Variants in DNAH5 observed in about 807,000 individuals in gnomAD.
The protein encoded by DNAH5 is axonemal beta dynein heavy chain 5.
A neutral mutation model predicts 518.2 loss-of-function variants in DNAH5; 372 were observed. The ratio of observed to expected loss-of-function variants is 0.72; its 90% CI spans 0.66 to 0.78. DNAH5 has a LOEUF of 0.78. DNAH5 is among the 30% of genes least tolerant of loss of function. The probability of loss-of-function intolerance (pLI) is 0.00; values close to 1 mark genes in which losing one functional copy is unlikely to be tolerated. For missense variants in DNAH5, 5,523 were observed against 5,687.0 expected, an observed-to-expected ratio of 0.97 and a Z score of 0.93; for synonymous variants, 2,039 against 2,025.9, an observed-to-expected ratio of 1.01 and a Z score of -0.17.
intron 15 of DNAH5, chr5:13,898,734 A>T: frequency 2.5e-6 from 1 of 397,354 alleles, no homozygotes; most frequent in Non-Finnish European, 4.4e-6. Context: ...TGTAAAGTAC[A>T]GTGCAAGTGC....
chr5:13,830,452 C>T lies in DNAH5; in HGVS notation c.6061+145G>A, dbSNP rs150812414. The T allele has an allele frequency of 3.4e-4, 355 of 1,034,628 alleles. 5 individuals carry two copies. The East Asian group carries it at 6.0e-3, about 18-fold the overall frequency. 64.1% of individuals were successfully genotyped at this position (1,034,628 alleles called of 1,614,324 possible). On this transcript the variant is annotated intron_variant, in intron 36 of 78. Transcript: ENST00000265104. ...AGGAGGAAGTAACATTTGGTCCACACAACCTGGCAAGATTGAAGATTTTCC... is the reference window on the plus strand; with the variant it reads ...AGGAGGAAGTAACATTTGGTCCACATAACCTGGCAAGATTGAAGATTTTCC...
chr5:13,738,873 T>A (rs530758977), intron 65 of DNAH5, among the ~76,000 whole-genome samples: 3 of 152,306 alleles, frequency 2.0e-5, no homozygotes, highest in Non-Finnish European at 4.4e-5. Flanking sequence ...AAATTTAAAA[T>A]GAAACTTATG....
At chr5:13,944,879 T>G (rs1486409175), upstream of DNAH5, among the ~76,000 whole-genome samples, 2 of 152,226 alleles carry the variant, frequency 1.3e-5, no homozygotes, top group African/African-American at 4.8e-5. Flanking sequence ...AATGAGAAAC[T>G]TTAAACCATA....
At chr5:13,737,936 G>A (rs1747800076) in intron 65 of DNAH5, among the ~76,000 whole-genome samples, 1 of 152,066 alleles carries the variant, frequency 6.6e-6, no homozygotes, top group Non-Finnish European at 1.5e-5. Flanking sequence ...GGTGGCTCAT[G>A]CCTGTAGTCC....
At chr5:13,891,596 T>A (rs1773225149) in intron 16 of DNAH5, among the ~76,000 whole-genome samples, 1 of 152,200 alleles carries the variant, frequency 6.6e-6, no homozygotes, top group South Asian at 2.1e-4. Flanking sequence ...TCCCTCCTCC[T>A]GTAAAACCAC....
At chr5:13,814,573 T>G (rs56046501) in intron 43 of DNAH5, 32 bp downstream of exon 43, 6 of 1,609,016 alleles carry the variant, frequency 3.7e-6, no homozygotes, top group Non-Finnish European at 5.1e-6. Context: ...TGTTTTCCTT[T>G]TTAATTATAC....
chr5:13,769,492 C>G lies in DNAH5; in HGVS notation c.9720+9G>C, dbSNP rs750860240. The G allele has an allele frequency of 6.2e-7, 1 of 1,609,782 alleles. No homozygotes were observed. Among genetic ancestry groups the G allele is most frequent in the Admixed American group, 1.7e-5 (1 of 59,984 alleles). On this transcript the variant is annotated intron_variant, in intron 57 of 78. Transcript: ENST00000265104. ...AAGGAATGTGGCACATGTGTAAATG[C>G]CCACCCACCATGTCGGCTTTATCGT... is the stretch of plus-strand genomic sequence containing the variant.
intron 49 of DNAH5, among the ~76,000 whole-genome samples, chr5:13,792,937 G>T (rs1368710275): frequency 2.6e-5 from 4 of 152,204 alleles, no homozygotes; most frequent in Admixed American, 6.5e-5. Flanking sequence ...TAAGTCACAA[G>T]TGCATAATCA....
At chr5:13,695,836 A>G (rs910384160) in intron 78 of DNAH5, among the ~76,000 whole-genome samples, 1 of 152,174 alleles carries the variant, frequency 6.6e-6, no homozygotes, top group Non-Finnish European at 1.5e-5. Flanking sequence ...GCACACATAC[A>G]TACCCACACA....
At chr5:13,731,613 A>G (rs1243295256) in intron 68 of DNAH5, among the ~76,000 whole-genome samples, 1 of 152,228 alleles carries the variant, frequency 6.6e-6, no homozygotes, top group African/African-American at 2.4e-5. Context: ...AATTGTCCAG[A>G]TAATTGAGAA....
In DNAH5 at chr5:13,918,719, C is replaced by T. The variant is rs750033966; in HGVS notation, c.975+457G>A. On this transcript the variant is annotated intron_variant, in intron 7 of 78. Transcript: ENST00000265104. ...TCCTGACCTTGTGATCCACCTGCCT[C>T]GGCATCCCAAAGTGCTGGGATTACA... is the stretch of plus-strand genomic sequence containing the variant. 4.1e-4 allele frequency among the ~76,000 whole-genome samples: 63 copies of T among 152,262 alleles called. 1 individual carries two copies. The highest frequency in any genetic ancestry group is 2.1e-4 in the South Asian group (1 of 4,820).
In DNAH5 at chr5:13,729,443, T is replaced by C. The variant is rs1177430358; in HGVS notation, c.11879A>G (p.Asp3960Gly). Residue 3960 changes from aspartate (D) to glycine (G), a missense_variant, in exon 69 of 79, where the codon GAC (aspartate) becomes GGC (glycine). Physicochemically the swap from Asp to Gly is moderately conservative, Grantham distance 94. Around this residue, in one of 3 missense-constraint regions of DNAH5, gnomAD observed 5,121 missense variants for 5,223.3 expected, o/e 0.98. Coordinates refer to ENST00000265104, the MANE Select transcript of DNAH5 (RefSeq NM_001369.3). ...GTTGATTCAAAGCACAGTTACCTGG[T>C]CAAGGACATCTGAAAACTGTCTGAG... ...SKLRQFSDVL[D>G]QISRNEKMWK... is the part of the protein sequence containing the mutation. 1.2e-6 allele frequency: 2 copies of C among 1,614,008 alleles called. No homozygotes were observed. The highest frequency in any genetic ancestry group is 2.2e-5 in the South Asian group (2 of 91,074).
In DNAH5 at chr5:13,883,097, G is replaced by A; in HGVS notation, c.2984-3C>T. Reference sequence around the variant, plus strand: ...CATGTTAGAGGCACTGTTACTGTCTGAGTTAACCCAAAACAAGGAAGAATT... The same window carrying A: ...CATGTTAGAGGCACTGTTACTGTCTAAGTTAACCCAAAACAAGGAAGAATT... On this transcript the variant is annotated splice_region_variant and splice_polypyrimidine_tract_variant and intron_variant, in intron 19 of 78. Coordinates refer to ENST00000265104, the MANE Select transcript of DNAH5 (RefSeq NM_001369.3). 6.2e-7 allele frequency: 1 copy of A among 1,613,514 alleles called. No homozygotes were observed. The highest frequency in any genetic ancestry group is 8.5e-7 in the Non-Finnish European group (1 of 1,180,012).
intron 47 of DNAH5, among the ~76,000 whole-genome samples, chr5:13,806,832 GT>G (rs796764060): frequency 1.3e-4 from 20 of 151,996 alleles, no homozygotes; most frequent in African/African-American, 4.3e-4. Context: ...AACTTGAGGG[GT>G]TTTTTTTCTC....
intron 70 of DNAH5, 21 bp downstream of exon 70, chr5:13,727,486 T>C (rs1354896365): frequency 5.6e-6 from 9 of 1,593,810 alleles, no homozygotes; most frequent in South Asian, 2.3e-5. Flanking sequence ...CTCATTTTTC[T>C]CTTTAATATG....
chr5:13,830,714 C>A lies in DNAH5; in HGVS notation c.5944G>T (p.Ala1982Ser), dbSNP rs150814892. Reference protein sequence around the residue: ...MSMGGAPAGPAGTGKTETTKD... With the variant: ...MSMGGAPAGPSGTGKTETTKD... The stretch of plus-strand genomic sequence containing the variant: ...GTGGTTTCTGTTTTGCCTGTGCCTG[C>A]AGGTCCAGCAGGGGCTCCCCCCATG... Residue 1982 changes from alanine to serine, a missense_variant, in exon 36 of 79, where the codon GCA becomes TCA. By Grantham distance (99) the Ala-to-Ser change is moderately conservative (BLOSUM62 1). This residue lies in a region of DNAH5 where 5,121 missense variants were observed against 5,223.3 expected (regional missense o/e 0.98). Coordinates refer to ENST00000265104, the MANE Select transcript of DNAH5 (RefSeq NM_001369.3). The A allele has an allele frequency of 6.2e-7, 1 of 1,614,060 alleles. No individual in the cohort carries two copies. The highest frequency in any genetic ancestry group is 1.3e-5 in the African/African-American group (1 of 74,910).
intron 70 of DNAH5, among the ~76,000 whole-genome samples, chr5:13,722,425 CTT>C (rs1561113625): frequency 6.6e-6 from 1 of 152,230 alleles, no homozygotes; most frequent in Non-Finnish European, 1.5e-5. Context: ...TGTTTGCCCT[CTT>C]TTGTGGGTTA....
chr5:13,760,501 T>C (rs761181431), intron 60 of DNAH5, among the ~76,000 whole-genome samples: 38 of 152,250 alleles, frequency 2.5e-4, no homozygotes, highest in Non-Finnish European at 4.7e-4. Context: ...ATGTTCAATA[T>C]TTAAGTTCTG....
intron 1 of DNAH5, among the ~76,000 whole-genome samples, chr5:13,952,495 G>A (rs1303399668): frequency 6.6e-6 from 1 of 152,160 alleles, no homozygotes; most frequent in Non-Finnish European, 1.5e-5. Flanking sequence ...AGTTCAAGGG[G>A]AAGCTCAGGG....
Sources: allele counts gnomAD v4.1 joint callset (sites outside exome capture counted in the v4.1 genomes callset), GRCh38; gene constraint gnomAD v4.1.1; regional missense constraint gnomAD v4.1.1; transcripts MANE v1.5; gene names NCBI Gene and HGNC (gene_info 2026-07-23, HGNC 2026-07-21).